Variants in RBFOX2 observed in about 807,000 individuals in gnomAD.
RBFOX2 encodes RNA binding protein fox-1 homolog 2.
A neutral mutation model predicts 49.1 loss-of-function variants in RBFOX2; 10 were observed. The observed-to-expected ratio is 0.20, with a 90% CI of 0.13 to 0.35. RBFOX2 has a LOEUF of 0.35. RBFOX2 is among the 10% of genes least tolerant of loss of function. The pLI is 1.00. For synonymous variants in RBFOX2, 183 were observed against 187.4 expected (o/e 0.98, Z 0.19); for missense variants, 323 against 486.9 (o/e 0.66, Z 3.17).
At chr22:35,815,787 G>A (rs895105912) in intron 1 of RBFOX2, among the ~76,000 whole-genome samples, 1 of 152,028 alleles carries the variant, frequency 6.6e-6, no homozygotes, top group African/African-American at 2.4e-5. Context: ...TAATTTTCTA[G>A]GATTATAATA....
intron 1 of RBFOX2, among the ~76,000 whole-genome samples, chr22:35,974,421 A>C (rs1440692862): frequency 1.3e-5 from 2 of 152,200 alleles, no homozygotes; most frequent in Non-Finnish European, 2.9e-5. Flanking sequence ...ACAGTGGCTC[A>C]CGCCTGTTAT....
intron 1 of RBFOX2, among the ~76,000 whole-genome samples, chr22:35,833,929 G>A (rs1957213990): frequency 6.6e-6 from 1 of 152,000 alleles, no homozygotes. Context: ...TTTTATCATA[G>A]AATAATGTAT....
intron 1 of RBFOX2, among the ~76,000 whole-genome samples, chr22:36,024,044 G>C (rs1435227485): frequency 6.6e-6 from 1 of 152,180 alleles, no homozygotes; most frequent in Non-Finnish European, 1.5e-5. Flanking sequence ...GCAGCCTTGG[G>C]AATGACCCCA....
intron 1 of RBFOX2, among the ~76,000 whole-genome samples, chr22:35,958,977 T>TATATA (rs755064541): frequency 0.073 from 10,966 of 150,908 alleles, 407 homozygotes; most frequent in Non-Finnish European, 0.081. Context: ...ATATATATAT[T>TATATA]GTGTAAAGCT....
intron 1 of RBFOX2, among the ~76,000 whole-genome samples, chr22:35,969,087 A>G (rs977469220): frequency 2.0e-5 from 3 of 152,206 alleles, no homozygotes; most frequent in Admixed American, 6.5e-5. Context: ...AGCAGAGAGC[A>G]GTAAAGTGAA....
upstream of RBFOX2, among the ~76,000 whole-genome samples, chr22:35,965,791 G>A (rs760888274): frequency 2.6e-5 from 4 of 152,028 alleles, no homozygotes; most frequent in Non-Finnish European, 4.4e-5. Context: ...CTACAAGCTC[G>A]ACAGGAAAAG....
chr22:35,770,305 T>C (rs9619572), intron 4 of RBFOX2, among the ~76,000 whole-genome samples: 6,637 of 152,246 alleles, frequency 0.044, 493 homozygotes, highest in African/African-American at 0.15. Flanking sequence ...CTTACAGTCA[T>C]ATATTTTATG....
rs561226106 is a variant in RBFOX2 at position 35,862,923 on chromosome 22, TGTC to T, written c.-33-52922_-33-52920del. Among the ~76,000 whole-genome samples the T allele has an allele frequency of 1.2e-4, 19 of 152,346 alleles. No individual in the cohort carries two copies. In the South Asian group the frequency reaches 1.5e-3, roughly 12 times the overall value. ...TAGTTGATGTTATCGGCGTCATTGCTGTCGTCGTCATCATCATTATCTCTGATA... is the reference window on the plus strand; with the variant it reads ...TAGTTGATGTTATCGGCGTCATTGCTGTCGTCATCATCATTATCTCTGATA... On this transcript the variant is annotated intron_variant, in intron 1 of 13. Coordinates refer to the RBFOX2 transcript ENST00000359369.
chr22:36,014,111 T>C (rs1035716649), intron 1 of RBFOX2, among the ~76,000 whole-genome samples: 1 of 151,792 alleles, frequency 6.6e-6, no homozygotes, highest in Non-Finnish European at 1.5e-5. Flanking sequence ...GGATGATACC[T>C]ATTATCATTT....
chr22:35,742,027 G>GCAAAAT (rs1335528287), exon 12 of RBFOX2: 1 of 152,052 alleles, frequency 6.6e-6, no homozygotes, highest in African/African-American at 2.4e-5. Flanking sequence ...AAAAGCAAAA[G>GCAAAAT]CAAAATCCTC....
chr22:35,746,663 G>A (rs1932862194), intron 9 of RBFOX2, 102 bp from the exon 12 acceptor site: 1 of 554,736 alleles, frequency 1.8e-6, no homozygotes, highest in Non-Finnish European at 2.9e-6. Context: ...TGTAGACACA[G>A]GGACTGACAC....
At chr22:35,875,777 C>A (rs909327552) in intron 1 of RBFOX2, among the ~76,000 whole-genome samples, 3 of 151,908 alleles carry the variant, frequency 2.0e-5, no homozygotes, top group Non-Finnish European at 1.5e-5. Context: ...GCCTCCTTAT[C>A]CCCCTAGGAG....
At position 35,860,420 on chromosome 22, in the gene RBFOX2, C is replaced by A. The variant is rs561303328; in HGVS notation, c.-33-50416G>T. Among the ~76,000 whole-genome samples, 71 of 152,344 alleles carry A rather than the reference C, an allele frequency of 4.7e-4. 1 individual carries two copies. The South Asian group carries it at 0.014, about 31-fold the overall frequency. ...TGAGGCTCAGCAAATGCGGCCAAGA[C>A]TAAAACAATCACCCAAACTCCTGAC... On this transcript the variant is annotated intron_variant, in intron 1 of 13. Coordinates refer to the RBFOX2 transcript ENST00000359369.
chr22:35,773,272 C>T (rs1273049027), intron 4 of RBFOX2, among the ~76,000 whole-genome samples: 1 of 151,976 alleles, frequency 6.6e-6, no homozygotes, highest in African/African-American at 2.4e-5. Context: ...GAAAACATTA[C>T]AGCAAATTAC....
At chr22:35,992,194 A>G (rs1442619602) in intron 1 of RBFOX2, 1 of 152,188 alleles carries the variant, frequency 6.6e-6, no homozygotes. Flanking sequence ...TGAAATATAC[A>G]ACTCAAAGTA....
chr22:35,852,149 A>G (rs2042014212), intron 1 of RBFOX2, among the ~76,000 whole-genome samples: 1 of 152,194 alleles, frequency 6.6e-6, no homozygotes, highest in Non-Finnish European at 1.5e-5. Flanking sequence ...TAGCATTTAC[A>G]TTGTTTTGGA....
intron 2 of RBFOX2, among the ~76,000 whole-genome samples, chr22:35,799,819 G>A (rs1303544468): frequency 1.3e-5 from 2 of 151,880 alleles, no homozygotes; most frequent in Non-Finnish European, 2.9e-5. Context: ...CGGGTGTGGG[G>A]GTACACGCCT....
chr22:35,744,148 A>G, exon 12 of RBFOX2: 1 of 1,482,288 alleles, frequency 6.7e-7, no homozygotes, highest in Non-Finnish European at 9.1e-7. Flanking sequence ...TAAATATTGC[A>G]ATAGCCAGGC....
upstream of RBFOX2, among the ~76,000 whole-genome samples, chr22:35,961,861 A>G (rs2056240507): frequency 6.6e-6 from 1 of 151,994 alleles, no homozygotes; most frequent in South Asian, 2.1e-4. Flanking sequence ...TCCTTCCAAC[A>G]TTGTACCCTC....
Sources: gnomAD v4.1 joint callset for allele counts (sites outside exome capture counted in the v4.1 genomes callset) on GRCh38, gnomAD v4.1.1 for gene constraint, MANE v1.5 for transcripts, NCBI Gene and HGNC (gene_info 2026-07-23, HGNC 2026-07-21) for gene names.